The following MGAT4C variants were observed in gnomAD, a reference collection of about 807,000 sequenced individuals.
The protein encoded by MGAT4C is MGAT4 family member C.
Under a neutral mutation model 40.1 loss-of-function variants are expected in MGAT4C, and 19 were observed. That is an observed-to-expected ratio of 0.47 (90% CI 0.33 to 0.70). The LOEUF (loss-of-function observed/expected upper bound fraction) is 0.70. Among genes scored for constraint, MGAT4C ranks in the 30% least tolerant of loss-of-function variants. The pLI is 0.02. For missense variants in MGAT4C, 491 were observed against 563.2 expected (o/e 0.87, Z 1.30); for synonymous variants, 181 against 187.1 (o/e 0.97, Z 0.27).
intron 2 of MGAT4C, among the ~76,000 whole-genome samples, chr12:86,582,570 A>G (rs1960833027): frequency 6.6e-6 from 1 of 151,410 alleles, no homozygotes; most frequent in South Asian, 2.1e-4. Context: ...GTTTAGTAGG[A>G]TTTGGAATAT....
intron 2 of MGAT4C, among the ~76,000 whole-genome samples, chr12:86,025,682 C>T (rs1034857430): frequency 2.0e-5 from 3 of 151,674 alleles, no homozygotes; most frequent in Admixed American, 6.6e-5. Context: ...GGACTGTCTA[C>T]ATGCATTATC....
In MGAT4C at chr12:86,804,027, C is replaced by G. The variant is rs1398894890; in HGVS notation, c.-262+34639G>C. Among the ~76,000 whole-genome samples, 759 of 134,172 alleles carry G rather than the reference C, an allele frequency of 5.7e-3. 7 individuals carry two copies. The highest frequency in any genetic ancestry group is 0.02 in the African/African-American group (719 of 35,858). The allele number at this position is 134,172 out of a possible 152,430, so 88.0% of individuals were successfully genotyped here. On this transcript the variant is annotated intron_variant, in intron 1 of 7. Transcript: ENST00000548651. ...ACTTGGAACCAACCCAAATGTCCAACAATGATAGACTGGATTAAGAAAATG... is the reference window on the plus strand; with the variant it reads ...ACTTGGAACCAACCCAAATGTCCAAGAATGATAGACTGGATTAAGAAAATG...
intron 1 of MGAT4C, among the ~76,000 whole-genome samples, chr12:86,116,549 C>A (rs1878454550): frequency 6.6e-6 from 1 of 151,868 alleles, no homozygotes; most frequent in South Asian, 2.1e-4. Context: ...AGAAGAAATA[C>A]CCTAGATTAC....
intron 2 of MGAT4C, among the ~76,000 whole-genome samples, chr12:86,552,730 AAAC>A (rs1455022123): frequency 6.6e-6 from 1 of 152,110 alleles, no homozygotes; most frequent in Non-Finnish European, 1.5e-5. Flanking sequence ...GAAAAAATAA[AAAC>A]AGTTATAAAT....
intron 1 of MGAT4C, among the ~76,000 whole-genome samples, chr12:86,744,494 C>T (rs1951121328): frequency 6.6e-6 from 1 of 151,374 alleles, no homozygotes; most frequent in South Asian, 2.1e-4. Flanking sequence ...GTTCATAGTA[C>T]ATTTTGGTTC....
At chr12:86,376,688 C>T (rs1337800979) in intron 3 of MGAT4C, among the ~76,000 whole-genome samples, 3 of 151,636 alleles carry the variant, frequency 2.0e-5, no homozygotes, top group African/African-American at 7.3e-5. Context: ...ATCATTAACT[C>T]AATAGGAAAA....
chr12:86,768,158 C>A (rs2136163830), intron 1 of MGAT4C, among the ~76,000 whole-genome samples: 1 of 152,304 alleles, frequency 6.6e-6, no homozygotes, highest in Non-Finnish European at 1.5e-5. Flanking sequence ...TGATAAGCAA[C>A]TTCAGCAAAG....
At chr12:86,093,697 T>C (rs950371910) in intron 1 of MGAT4C, among the ~76,000 whole-genome samples, 2 of 151,822 alleles carry the variant, frequency 1.3e-5, no homozygotes, top group African/African-American at 4.8e-5. Context: ...CACTGCACTC[T>C]AGCCTGGGCA....
At position 86,023,141 on chromosome 12, in the gene MGAT4C, A is replaced by G. The variant is rs1401365612; in HGVS notation, c.-7+26533T>C. On this transcript the variant is annotated intron_variant, in intron 2 of 4. Transcript: ENST00000611864. ...TGGTTCCAGACTTCTATTCTGTAATAATTTTATTAAATGAGAAGATAATAA... is the reference window on the plus strand; with the variant it reads ...TGGTTCCAGACTTCTATTCTGTAATGATTTTATTAAATGAGAAGATAATAA... Among the ~76,000 whole-genome samples the G allele has an allele frequency of 2.0e-5, 3 of 152,166 alleles. No individual in the cohort carries two copies. In the East Asian group the frequency reaches 5.8e-4, roughly 29 times the overall value.
chr12:86,154,425 A>T (rs1294023827), intron 1 of MGAT4C, among the ~76,000 whole-genome samples: 1 of 152,162 alleles, frequency 6.6e-6, no homozygotes, highest in Non-Finnish European at 1.5e-5. Flanking sequence ...GCTCCGGTGT[A>T]AGTCAGGCAA....
intron 1 of MGAT4C, among the ~76,000 whole-genome samples, chr12:86,194,476 C>T (rs1488983606): frequency 6.8e-6 from 1 of 148,146 alleles, no homozygotes; most frequent in Non-Finnish European, 1.5e-5. Context: ...TTTTTTGAGA[C>T]AGAGTTTCAC....
In MGAT4C at chr12:86,822,936, T is replaced by G. The variant is rs191736623; in HGVS notation, c.-262+15730A>C. ...TAGAAAATAAGTCTTAATAATTCAT[T>G]AAGACTGAAATTATACCAAGTCTTT... On this transcript the variant is annotated intron_variant, in intron 1 of 7. Coordinates refer to the MGAT4C transcript ENST00000548651. 1.7e-4 allele frequency among the ~76,000 whole-genome samples: 25 copies of G among 151,270 alleles called. No homozygotes were observed. In the East Asian group the frequency reaches 4.9e-3, roughly 30 times the overall value.
intron 1 of MGAT4C, among the ~76,000 whole-genome samples, chr12:86,198,772 G>A (rs2135926134): frequency 6.6e-6 from 1 of 152,106 alleles, no homozygotes; most frequent in African/African-American, 2.4e-5. Flanking sequence ...TGCTCAAAAT[G>A]CCAATACATC....
intron 1 of MGAT4C, among the ~76,000 whole-genome samples, chr12:86,801,718 A>G (rs1232710013): frequency 1.4e-4 from 21 of 151,824 alleles, no homozygotes; most frequent in East Asian, 5.8e-4. Context: ...GTGATCTGAC[A>G]TGTATTACCT....
At chr12:85,998,848 G>A (rs1238576159) in intron 2 of MGAT4C, among the ~76,000 whole-genome samples, 1 of 152,014 alleles carries the variant, frequency 6.6e-6, no homozygotes, top group Non-Finnish European at 1.5e-5. Context: ...TCCAACCCCT[G>A]CCTGTTACCC....
At chr12:86,113,168 C>A (rs1048548859) in intron 1 of MGAT4C, among the ~76,000 whole-genome samples, 3 of 151,696 alleles carry the variant, frequency 2.0e-5, no homozygotes, top group African/African-American at 4.8e-5. Flanking sequence ...TCATACTAAG[C>A]AAAATAAACT....
chr12:86,169,877 T>C (rs922248345), intron 1 of MGAT4C, among the ~76,000 whole-genome samples: 1 of 152,198 alleles, frequency 6.6e-6, no homozygotes, highest in Admixed American at 6.5e-5. Flanking sequence ...GAATGAAAAG[T>C]ATATTAAAAA....
At chr12:86,027,738 C>T (rs914791497) in intron 2 of MGAT4C, among the ~76,000 whole-genome samples, 2 of 151,856 alleles carry the variant, frequency 1.3e-5, no homozygotes, top group Non-Finnish European at 2.9e-5. Context: ...CATGGTTTAT[C>T]AAATAGTTCA....
chr12:86,201,678 G>A (rs2135934577), intron 1 of MGAT4C, among the ~76,000 whole-genome samples: 1 of 151,734 alleles, frequency 6.6e-6, no homozygotes, highest in African/African-American at 2.4e-5. Flanking sequence ...TAATTGGTTA[G>A]TCCATTTGTA....
Sources: gnomAD v4.1 joint callset for allele counts (sites outside exome capture counted in the v4.1 genomes callset) on GRCh38, gnomAD v4.1.1 for gene constraint, MANE v1.5 for transcripts, NCBI Gene and HGNC (gene_info 2026-07-23, HGNC 2026-07-21) for gene names.